The following ASPSCR1 variants were observed in gnomAD, a reference collection of about 807,000 sequenced individuals.
ASPSCR1 encodes tether containing UBX domain for GLUT4.
Under a neutral mutation model 68.9 loss-of-function variants are expected in ASPSCR1, and 55 were observed. The ratio of observed to expected loss-of-function variants is 0.80; its 90% CI spans 0.64 to 1.00. The LOEUF (loss-of-function observed/expected upper bound fraction) is 1.00, where lower values mean the gene tolerates loss of function less well. Among genes scored for constraint, ASPSCR1 ranks in the 50% least tolerant of loss-of-function variants. ASPSCR1 has a pLI of 0.00. For missense variants in ASPSCR1, 765 were observed against 762.2 expected, an observed-to-expected ratio of 1.00 and a Z score of -0.04; for synonymous variants, 352 against 332.6, an observed-to-expected ratio of 1.06 and a Z score of -0.63.
chr17:82,012,392 G>A, intron 12 of ASPSCR1, 109 bp downstream of exon 12: 11 of 1,329,954 alleles, frequency 8.3e-6, no homozygotes, highest in South Asian at 6.0e-5. Flanking sequence ...CGCTGGGGCA[G>A]GATAATAAAG....
At chr17:81,997,105 C>CTCCGGGATGAGGCCGTGTGG (rs2042372542) in intron 7 of ASPSCR1, among the ~76,000 whole-genome samples, 2 of 144,178 alleles carry the variant, frequency 1.4e-5, no homozygotes, top group Admixed American at 6.8e-5. Flanking sequence ...AGGCCGTGTC[C>CTCCGGGATGAGGCCGTGTGG]GCTCCGGGAT....
chr17:82,001,586 G>T (rs1029639139), intron 7 of ASPSCR1, among the ~76,000 whole-genome samples: 2 of 152,200 alleles, frequency 1.3e-5, no homozygotes, highest in Admixed American at 1.3e-4. Flanking sequence ...GGAACCCCGG[G>T]GGGTAGGGGG....
intron 11 of ASPSCR1, 86 bp downstream of exon 11, chr17:82,011,691 C>G (rs578021575): frequency 6.9e-7 from 1 of 1,444,462 alleles, no homozygotes; most frequent in East Asian, 2.4e-5. Flanking sequence ...AGCTGGGGCT[C>G]GTGGCAGCTT....
At chr17:81,996,388 A>G (rs199809269) in intron 6 of ASPSCR1, 32 bp from the exon 7 acceptor site, 7 of 1,545,818 alleles carry the variant, frequency 4.5e-6, no homozygotes, top group Admixed American at 2.0e-5. Flanking sequence ...AGGCACCACA[A>G]GGTGCTTCCC....
chr17:82,007,553 C>T (rs933178373), intron 7 of ASPSCR1: 8 of 152,234 alleles, frequency 5.3e-5, no homozygotes, highest in Non-Finnish European at 1.0e-4. Context: ...TGGACGTGGC[C>T]GCCTGAGCAC....
At chr17:81,980,604 G>T (rs1475306536) in intron 2 of ASPSCR1, among the ~76,000 whole-genome samples, 1 of 152,240 alleles carries the variant, frequency 6.6e-6, no homozygotes, top group Non-Finnish European at 1.5e-5. Context: ...GTTGCAGCTT[G>T]CAGGGTGGCC....
rs1357642116 is a variant in ASPSCR1 at position 82,016,512 on chromosome 17, G to T, written c.1390G>T (p.Ala464Ser). Residue 464 changes from alanine to serine, a missense_variant, in exon 13 of 16, where the codon GCC becomes TCC. Ala to Ser is a moderately conservative substitution (Grantham distance 99). Transcript: ENST00000306739. ...LFPAALVHLG[A>S]EEPAGVYLEP... ...CCCGGCCGCTCTGGTGCACTTGGGA[G>T]CCGAGGAGCCGGCAGGTGAGTGTCA... The T allele has an allele frequency of 1.3e-6, 2 of 1,549,016 alleles. No individual in the cohort carries two copies. The highest frequency in any genetic ancestry group is 2.7e-5 in the African/African-American group (2 of 73,044).
chr17:81,998,620 G>T (rs573067127), intron 7 of ASPSCR1, among the ~76,000 whole-genome samples: 1 of 152,176 alleles, frequency 6.6e-6, no homozygotes, highest in African/African-American at 2.4e-5. Flanking sequence ...GTGTTGAACC[G>T]TTTCAGTGTT....
chr17:81,977,666 G>A lies in ASPSCR1; in HGVS notation c.20G>A (p.Gly7Asp). The A allele has an allele frequency of 7.1e-7, 1 of 1,398,678 alleles. No individual in the cohort carries two copies. Among genetic ancestry groups the A allele is most frequent in the Non-Finnish European group, 9.3e-7 (1 of 1,072,474 alleles). The allele number at this position is 1,398,678 out of a possible 1,614,324, so 86.6% of individuals were successfully genotyped here. A position where few individuals can be genotyped will look rare whatever the true frequency, so the allele number is the denominator to read the frequency against. The change falls in exon 1 of 16, where the codon GGC (glycine) becomes GAC (aspartate). Residue 7 changes from glycine (G) to aspartate (D), a missense_variant. Physicochemically the swap from Gly to Asp is moderately conservative, Grantham distance 94. Coordinates refer to ENST00000306739, the MANE Select transcript of ASPSCR1 (RefSeq NM_024083.4). The surrounding 1 kb of genome is among the most constrained non-coding windows in gnomAD (Gnocchi z 5.0). ...CGGAAAATGGCGGCCCCGGCAGGCG[G>A]CGGAGGCTCCGCGGTGTCGGTGCTG... MAAPAG[G>D]GGSAVSVLAP... is the part of the protein sequence containing the mutation.
rs1378454763 is a variant in ASPSCR1, at chr17:82,016,489, CG to C, written c.1369del (p.Ala457ProfsTer79). The C allele has an allele frequency of 6.5e-7, 1 of 1,548,816 alleles. No individual in the cohort carries two copies. Among genetic ancestry groups the C allele is most frequent in the Non-Finnish European group, 8.7e-7 (1 of 1,147,136 alleles). On this transcript the variant is annotated frameshift_variant, in exon 13 of 16. Transcript: ENST00000306739. LOFTEE classifies it high-confidence loss of function. ...CCCTCCCTGCAGGCGAACCTCTTCC[CG>C]GCCGCTCTGGTGCACTTGGGAGCCG... ...TQTLFQANLF[P>X]AALVHLGAEE...
At chr17:82,010,725 G>A in intron 9 of ASPSCR1, 77 bp from the exon 10 acceptor site, 1 of 1,486,718 alleles carries the variant, frequency 6.7e-7, no homozygotes, top group Non-Finnish European at 9.4e-7. Context: ...CCCAGCATGG[G>A]CCGAGTGGGG....
chr17:82,016,405 G>T, intron 12 of ASPSCR1, 71 bp from the exon 13 acceptor site: 2 of 1,392,626 alleles, frequency 1.4e-6, no homozygotes, highest in Non-Finnish European at 2.0e-6. Flanking sequence ...GGCCCTGGGG[G>T]TGTAGCTGCC....
intron 1 of ASPSCR1, 58 bp from the exon 2 acceptor site, chr17:81,979,125 CA>C (rs1046497215): frequency 8.0e-5 from 127 of 1,581,716 alleles, no homozygotes; most frequent in Admixed American, 3.5e-4. Context: ...TGACCTGGCC[CA>C]CTGCGCCCGC....
chr17:82,010,542 A>AC (rs1555638560), intron 9 of ASPSCR1, among the ~76,000 whole-genome samples: 5 of 150,858 alleles, frequency 3.3e-5, no homozygotes, highest in Middle Eastern at 3.4e-3. Context: ...AAAAAAAAAA[A>AC]AAAAAAAAAA....
At chr17:81,995,661 T>C (rs2042312535) in intron 5 of ASPSCR1, 1 of 510,850 alleles carries the variant, frequency 2.0e-6, no homozygotes, top group Non-Finnish European at 3.5e-6. Context: ...CCTCTCTCGC[T>C]CCGGGCAGTG....
chr17:81,988,530 G>A (rs201260656), intron 4 of ASPSCR1, among the ~76,000 whole-genome samples: 8 of 152,170 alleles, frequency 5.3e-5, no homozygotes, highest in South Asian at 2.1e-4. Context: ...TGGTGGGGCC[G>A]TTGGTGGTAA....
intron 2 of ASPSCR1, among the ~76,000 whole-genome samples, chr17:81,982,145 T>A (rs527961867): frequency 6.6e-6 from 1 of 151,932 alleles, no homozygotes; most frequent in South Asian, 2.1e-4. Flanking sequence ...ATTTTTGTAT[T>A]TTTAGTAGAG....
chr17:82,016,359 GCAGGCAGA>G, intron 12 of ASPSCR1, 109 bp from the exon 13 acceptor site: 1 of 919,834 alleles, frequency 1.1e-6, no homozygotes, highest in African/African-American at 1.7e-5. Context: ...TGGGGGCCGG[GCAGGCAGA>G]GCCTGTCTGA....
chr17:82,008,306 AGT>A, intron 7 of ASPSCR1: 1 of 152,366 alleles, frequency 6.6e-6, no homozygotes, highest in Non-Finnish European at 1.5e-5. Flanking sequence ...AGGTGTCGAG[AGT>A]GTGAGGTAGG....
Sources: allele counts gnomAD v4.1 joint callset (sites outside exome capture counted in the v4.1 genomes callset), GRCh38; gene constraint gnomAD v4.1.1; non-coding constraint Gnocchi (gnomAD v3.1); transcripts MANE v1.5; gene names NCBI Gene and HGNC (gene_info 2026-07-23, HGNC 2026-07-21).